The following B3GALT1 variants were observed in gnomAD, a reference collection of about 807,000 sequenced individuals.
B3GALT1 encodes the protein beta-1,3-galactosyltransferase 1, also known as UDP-Gal:betaGlcNAc beta 1,3-galactosyltransferase, polypeptide 1.
A neutral mutation model predicts 23.2 loss-of-function variants in B3GALT1; 10 were observed. The observed-to-expected ratio is 0.43, with a 90% confidence interval of 0.27 to 0.73. B3GALT1 has a LOEUF of 0.73. B3GALT1 is among the 30% of genes least tolerant of loss of function. The pLI, the probability that B3GALT1 is intolerant of heterozygous loss-of-function variation, is 0.21. For missense variants in B3GALT1, 299 were observed against 405.4 expected, an observed-to-expected ratio of 0.74 and a Z score of 2.25; for synonymous variants, 156 against 141.5, an observed-to-expected ratio of 1.10 and a Z score of -0.73.
intron 3 of B3GALT1, among the ~76,000 whole-genome samples, chr2:167,667,785 G>A (rs1686232187): frequency 6.6e-6 from 1 of 152,184 alleles, no homozygotes; most frequent in Admixed American, 6.5e-5. Context: ...TCGAGCCTTG[G>A]TTTTCAGCTC....
At chr2:167,849,335 A>G (rs540317940) in intron 4 of B3GALT1, among the ~76,000 whole-genome samples, 2 of 152,212 alleles carry the variant, frequency 1.3e-5, no homozygotes, top group Non-Finnish European at 2.9e-5. Context: ...AAACTATACT[A>G]TAAGGCCATA....
chr2:167,838,228 G>A (rs879262132), intron 4 of B3GALT1, among the ~76,000 whole-genome samples: 35 of 139,612 alleles, frequency 2.5e-4, no homozygotes, highest in Admixed American at 5.1e-4. Context: ...AAAAATTAAT[G>A]AATCCAGGAG....
At chr2:167,436,459 A>C (rs1436381621) in intron 1 of B3GALT1, among the ~76,000 whole-genome samples, 1 of 152,094 alleles carries the variant, frequency 6.6e-6, no homozygotes, top group Non-Finnish European at 1.5e-5. Context: ...ACCAACCAAA[A>C]ATAATACCTA....
At chr2:167,373,802 A>G (rs1217854587) in intron 1 of B3GALT1, among the ~76,000 whole-genome samples, 6 of 152,110 alleles carry the variant, frequency 3.9e-5, no homozygotes, top group Non-Finnish European at 7.4e-5. Context: ...CAAGTGATCC[A>G]TCTGCCTCGG....
chr2:167,518,628 C>T (rs911295279), intron 2 of B3GALT1, among the ~76,000 whole-genome samples: 8 of 152,186 alleles, frequency 5.3e-5, no homozygotes, highest in South Asian at 4.2e-4. Flanking sequence ...TATCTCTGTT[C>T]GAAAGATGGG....
At chr2:167,623,618 G>A (rs547229873) in intron 2 of B3GALT1, among the ~76,000 whole-genome samples, 1 of 152,212 alleles carries the variant, frequency 6.6e-6, no homozygotes, top group Admixed American at 6.5e-5. Context: ...GGGGGGCAAG[G>A]TGAGGGATAG....
intron 1 of B3GALT1, among the ~76,000 whole-genome samples, chr2:167,323,601 T>C (rs1244998093): frequency 6.6e-6 from 1 of 152,100 alleles, no homozygotes; most frequent in Non-Finnish European, 1.5e-5. Flanking sequence ...TAGGAGAGAA[T>C]GTGATGCAGC....
chr2:167,868,382 T>C (rs1214058516), intron 4 of B3GALT1, among the ~76,000 whole-genome samples: 1 of 150,288 alleles, frequency 6.7e-6, no homozygotes, highest in African/African-American at 2.5e-5. Context: ...TTCACCAGAA[T>C]CAAGCAAACA....
intron 3 of B3GALT1, among the ~76,000 whole-genome samples, chr2:167,743,075 T>G (rs925214138): frequency 2.0e-5 from 3 of 152,146 alleles, no homozygotes; most frequent in African/African-American, 7.2e-5. Flanking sequence ...TTAAGGAGCA[T>G]CCATATATAA....
At chr2:167,327,084 T>A (rs1656177174) in intron 1 of B3GALT1, among the ~76,000 whole-genome samples, 1 of 152,146 alleles carries the variant, frequency 6.6e-6, no homozygotes, top group Non-Finnish European at 1.5e-5. Context: ...TAGATTTATT[T>A]CTGGGTTCTC....
chr2:167,591,471 T>A (rs1367922), intron 2 of B3GALT1, among the ~76,000 whole-genome samples: 109,165 of 151,088 alleles, frequency 0.72, 39,669 homozygotes, highest in Admixed American at 0.81. Flanking sequence ...TTAATTTATT[T>A]ATTTATTTAT....
chr2:167,374,866 A>AT (rs574640959), intron 1 of B3GALT1, among the ~76,000 whole-genome samples: 20 of 151,014 alleles, frequency 1.3e-4, no homozygotes, highest in African/African-American at 2.9e-4. Context: ...TCTTGTAAAT[A>AT]TTTTTTTTTG....
Position 167,312,860 on chromosome 2 carries a change from G to T in B3GALT1, c.-511+19526G>T, listed in dbSNP as rs184510004. On this transcript the variant is annotated intron_variant, in intron 1 of 4. Coordinates refer to ENST00000392690, the MANE Select transcript of B3GALT1 (RefSeq NM_020981.4). ...GTACCACCATAAATCAGGAAGAAAT[G>T]TCATGGTACTGTTACAATTTTTTAA... Among the ~76,000 whole-genome samples, 57 of 152,094 alleles carry T rather than the reference G, an allele frequency of 3.7e-4. 2 individuals are homozygous for T. The South Asian group carries it at 7.5e-3, about 20-fold the overall frequency.
Position 167,869,211 on chromosome 2 carries a change from A to G in B3GALT1, c.172A>G (p.Ile58Val), listed in dbSNP as rs1330918056. The change falls in exon 5 of 5, where the codon ATC (isoleucine) becomes GTC (valine). Residue 58 changes from isoleucine to valine, a missense_variant. Physicochemically the swap from Ile to Val is conservative, Grantham distance 29. This residue lies in a region of B3GALT1 where 162 missense variants were observed against 184.1 expected (regional missense o/e 0.88). Coordinates refer to ENST00000392690, the MANE Select transcript of B3GALT1 (RefSeq NM_020981.4). The surrounding 1 kb of genome is among the most constrained non-coding windows in gnomAD (Gnocchi z 6.4). ...CTTTGGCAACATAAGAACTCGACCT[A>G]TCAACCCACATTCTTTTGAATTTCT... ...FTFGNIRTRP[I>V]NPHSFEFLIN... is the part of the protein sequence containing the mutation. The G allele has an allele frequency of 1.2e-6, 2 of 1,614,208 alleles. No individual in the cohort carries two copies. The highest frequency in any genetic ancestry group is 2.7e-5 in the African/African-American group (2 of 75,036).
intron 2 of B3GALT1, among the ~76,000 whole-genome samples, chr2:167,508,576 G>C (rs1452053439): frequency 6.6e-6 from 1 of 151,638 alleles, no homozygotes; most frequent in African/African-American, 2.4e-5. Context: ...TCTTAATAGT[G>C]TTTTCTCAGT....
chr2:167,313,217 C>T (rs969280243), intron 1 of B3GALT1, among the ~76,000 whole-genome samples: 6 of 152,044 alleles, frequency 3.9e-5, no homozygotes, highest in African/African-American at 1.4e-4. Context: ...ATCTTACTAA[C>T]TCTCCCCTTG....
intron 2 of B3GALT1, among the ~76,000 whole-genome samples, chr2:167,559,092 G>A (rs558600736): frequency 6.6e-6 from 1 of 152,254 alleles, no homozygotes; most frequent in South Asian, 2.1e-4. Context: ...CACACGGCCG[G>A]GTACTCCTCT....
At chr2:167,411,142 A>G (rs146304374) in intron 1 of B3GALT1, among the ~76,000 whole-genome samples, 1 of 151,972 alleles carries the variant, frequency 6.6e-6, no homozygotes, top group Non-Finnish European at 1.5e-5. Context: ...CAAAGATTTT[A>G]TGGAGAAGAC....
intron 2 of B3GALT1, among the ~76,000 whole-genome samples, chr2:167,633,336 G>A (rs765867842): frequency 4.0e-4 from 60 of 151,826 alleles, no homozygotes; most frequent in Admixed American, 3.4e-3. Flanking sequence ...CTTGTAAATG[G>A]GCTAAATGCC....
Sources: gnomAD v4.1 joint callset for allele counts (sites outside exome capture counted in the v4.1 genomes callset) on GRCh38, gnomAD v4.1.1 for gene constraint, gnomAD v4.1.1 regional missense constraint, Gnocchi (gnomAD v3.1) non-coding constraint, MANE v1.5 for transcripts, NCBI Gene and HGNC (gene_info 2026-07-23, HGNC 2026-07-21) for gene names.